TMEM108: variants seen among roughly 807,000 people sequenced by gnomAD.
TMEM108 encodes cancer/testis antigen 124.
Under a neutral mutation model 35.1 loss-of-function variants are expected in TMEM108, and 12 were observed. The observed-to-expected ratio is 0.34, with a 90% CI of 0.22 to 0.55. The LOEUF is 0.55. Ranked by LOEUF, TMEM108 falls within the 20% of genes least tolerant of loss-of-function variation. The probability of loss-of-function intolerance (pLI) is 0.89; values close to 1 mark genes in which losing one functional copy is unlikely to be tolerated. For missense variants in TMEM108, 680 were observed against 753.3 expected, an observed-to-expected ratio of 0.90 and a Z score of 1.14; for synonymous variants, 287 against 308.6, an observed-to-expected ratio of 0.93 and a Z score of 0.73.
chr3:133,276,280 A>G (rs527922303), intron 3 of TMEM108, among the ~76,000 whole-genome samples: 1 of 152,332 alleles, frequency 6.6e-6, no homozygotes, highest in African/African-American at 2.4e-5. Context: ...GCAAGTGGTT[A>G]CTGATTCTTG....
At chr3:133,225,466 C>A (rs1011518168) in intron 2 of TMEM108, among the ~76,000 whole-genome samples, 1 of 152,140 alleles carries the variant, frequency 6.6e-6, no homozygotes. Context: ...GTTGTACCCC[C>A]CTCCCCCAAA....
chr3:133,183,742 T>C (rs778584092), intron 2 of TMEM108, among the ~76,000 whole-genome samples: 1 of 152,104 alleles, frequency 6.6e-6, no homozygotes, highest in Non-Finnish European at 1.5e-5. Flanking sequence ...TGCAAGGCCC[T>C]TCAAGCCCAG....
intron 3 of TMEM108, among the ~76,000 whole-genome samples, chr3:133,260,240 T>A (rs1288535152): frequency 1.3e-5 from 2 of 151,866 alleles, no homozygotes; most frequent in Non-Finnish European, 2.9e-5. Context: ...AAATAAGATA[T>A]CTTCCCTCCT....
chr3:133,134,117 TTA>T (rs1455240352), intron 2 of TMEM108, among the ~76,000 whole-genome samples: 1 of 151,608 alleles, frequency 6.6e-6, no homozygotes. Context: ...ACAGTATAGA[TTA>T]TATATATATG....
intron 5 of TMEM108, among the ~76,000 whole-genome samples, chr3:133,395,506 TGCACTGTATG>T (rs2073292289): frequency 6.6e-6 from 1 of 152,214 alleles, no homozygotes; most frequent in African/African-American, 2.4e-5. Flanking sequence ...CAGTGAGCCA[TGCACTGTATG>T]TGTGTCATGC....
chr3:133,157,240 CT>C (rs1944894999), intron 2 of TMEM108, among the ~76,000 whole-genome samples: 1 of 152,118 alleles, frequency 6.6e-6, no homozygotes, highest in South Asian at 2.1e-4. Context: ...TTTTTCTCTT[CT>C]TTTCTGTTAA....
intron 3 of TMEM108, among the ~76,000 whole-genome samples, chr3:133,232,863 A>G (rs1373262281): frequency 6.6e-6 from 1 of 152,218 alleles, no homozygotes; most frequent in Non-Finnish European, 1.5e-5. Flanking sequence ...AAGCTTGAGT[A>G]TGAGGGTGGT....
In TMEM108 at chr3:133,380,219, G is replaced by C. The variant is rs767018235; in HGVS notation, c.508G>C (p.Gly170Arg). Residue 170 changes from glycine (G) to arginine (R), a missense_variant, in exon 4 of 6, where the codon GGC becomes CGC. Around this residue, in one of 3 missense-constraint regions of TMEM108, gnomAD observed 526 missense variants for 532.1 expected, o/e 0.99. Coordinates refer to ENST00000321871, the MANE Select transcript of TMEM108 (RefSeq NM_023943.4). This position sits in a 1 kb window ranked among gnomAD's most constrained non-coding sequence, Gnocchi z 5.3. The part of the protein sequence containing the change: ...TTTRRPPRPP[G>R]SSRKGAGNSS... ...CACACGCAGGCCCCCCAGGCCCCCAGGCTCTTCCCGAAAAGGGGCTGGTAA... is the reference window on the plus strand; with the variant it reads ...CACACGCAGGCCCCCCAGGCCCCCACGCTCTTCCCGAAAAGGGGCTGGTAA... 2.5e-6 allele frequency: 4 copies of C among 1,612,494 alleles called. No individual in the cohort carries two copies. The South Asian group carries it at 4.4e-5, about 18-fold the overall frequency.
chr3:133,221,401 G>A (rs753991364), intron 2 of TMEM108, among the ~76,000 whole-genome samples: 1 of 152,136 alleles, frequency 6.6e-6, no homozygotes, highest in Non-Finnish European at 1.5e-5. Flanking sequence ...TTTGTGTCAG[G>A]AACTGGTGCC....
At chr3:133,108,984 A>G (rs1030247042) in intron 2 of TMEM108, among the ~76,000 whole-genome samples, 3 of 151,988 alleles carry the variant, frequency 2.0e-5, no homozygotes, top group Non-Finnish European at 4.4e-5. Flanking sequence ...CTTAAAATAT[A>G]ATAATAATAA....
Position 133,126,281 on chromosome 3 carries a change from A to G in TMEM108, c.-47+80261A>G, listed in dbSNP as rs149963695. ...GGAGTTCGAGACCAGCCTGACCAAT[A>G]TGGTTAAACCCCATCTCTACTAAAA... On this transcript the variant is annotated intron_variant, in intron 2 of 5. Transcript: ENST00000321871. Among the ~76,000 whole-genome samples the G allele has an allele frequency of 2.3e-3, 349 of 152,226 alleles. 1 individual carries two copies. The highest frequency in any genetic ancestry group is 8.0e-3 in the African/African-American group (331 of 41,532).
chr3:133,220,049 C>A (rs998214488), intron 2 of TMEM108, among the ~76,000 whole-genome samples: 7 of 148,092 alleles, frequency 4.7e-5, no homozygotes, highest in African/African-American at 1.7e-4. Context: ...TTGAACCTTT[C>A]ATCCTTATAT....
At chr3:133,093,902 A>G (rs1192184915) in intron 2 of TMEM108, among the ~76,000 whole-genome samples, 1 of 152,144 alleles carries the variant, frequency 6.6e-6, no homozygotes, top group African/African-American at 2.4e-5. Flanking sequence ...TTTTCTGCTT[A>G]TTCAACCCCC....
chr3:133,395,566 C>T (rs1475913276), intron 5 of TMEM108, among the ~76,000 whole-genome samples: 1 of 152,160 alleles, frequency 6.6e-6, no homozygotes, highest in East Asian at 1.9e-4. Flanking sequence ...AAAGCAGTAC[C>T]ATCTCTGGCA....
intron 3 of TMEM108, among the ~76,000 whole-genome samples, chr3:133,289,246 A>G (rs1342557200): frequency 1.3e-5 from 2 of 152,142 alleles, no homozygotes; most frequent in African/African-American, 2.4e-5. Flanking sequence ...AAATTTCTCC[A>G]TAATAAAAAG....
rs113818829 is a variant in TMEM108 at position 133,388,299 on chromosome 3, C to T, written c.1451-1881C>T. On this transcript the variant is annotated intron_variant, in intron 4 of 5. Transcript: ENST00000321871. ...ACACCAGAGAAGGGGACAGGGGACC[C>T]GGGATCTTGTCCCAGCTCTGCCACT... 2,286 of 983,356 alleles carry T rather than the reference C, an allele frequency of 2.3e-3. 46 individuals are homozygous for T. The African/African-American group carries it at 0.036, about 15-fold the overall frequency. 60.9% of individuals were successfully genotyped at this position (983,356 alleles called of 1,614,324 possible).
intron 2 of TMEM108, among the ~76,000 whole-genome samples, chr3:133,116,643 A>G (rs887135142): frequency 6.6e-6 from 1 of 152,218 alleles, no homozygotes; most frequent in Non-Finnish European, 1.5e-5. Context: ...AAATCCAGTC[A>G]AGTTATAAAT....
chr3:133,148,575 C>A (rs1321123678), intron 2 of TMEM108, among the ~76,000 whole-genome samples: 1 of 152,158 alleles, frequency 6.6e-6, no homozygotes, highest in African/African-American at 2.4e-5. Flanking sequence ...GAAAAGTCTT[C>A]CATGTGTTCA....
chr3:133,213,092 T>C (rs1945857994), intron 2 of TMEM108, among the ~76,000 whole-genome samples: 1 of 152,188 alleles, frequency 6.6e-6, no homozygotes, highest in South Asian at 2.1e-4. Flanking sequence ...CATTCATATT[T>C]GCCTACCTGT....
Sources: gnomAD v4.1 joint callset for allele counts (sites outside exome capture counted in the v4.1 genomes callset) on GRCh38, gnomAD v4.1.1 for gene constraint, gnomAD v4.1.1 regional missense constraint, Gnocchi (gnomAD v3.1) non-coding constraint, MANE v1.5 for transcripts, NCBI Gene and HGNC (gene_info 2026-07-23, HGNC 2026-07-21) for gene names.